RHOU: variants seen among roughly 807,000 people sequenced by gnomAD.
RHOU encodes ras homolog family member U.
Under a neutral mutation model 12.6 loss-of-function variants are expected in RHOU, and 8 were observed. The observed-to-expected ratio is 0.64, with a 90% CI of 0.37 to 1.15. The LOEUF (loss-of-function observed/expected upper bound fraction) is 1.15. Among genes scored for constraint, RHOU ranks in the 50% most tolerant of loss-of-function variants. The pLI is 0.01. For synonymous variants in RHOU, 161 were observed against 147.4 expected, an observed-to-expected ratio of 1.09 and a Z score of -0.67; for missense variants, 258 against 347.0, an observed-to-expected ratio of 0.74 and a Z score of 2.04.
At chr1:228,651,298 C>G in the RHOU span, 1 of 171,522 alleles carries the variant, frequency 5.8e-6, no homozygotes. Context: ...CATTCCCTGC[C>G]TCAGTGCTGG....
chr1:228,713,138 G>A, the RHOU span, among the ~76,000 whole-genome samples: 1 of 151,864 alleles, frequency 6.6e-6, no homozygotes, highest in African/African-American at 2.4e-5. Context: ...TTATGCTATT[G>A]GGTTGACTGA....
the RHOU span, among the ~76,000 whole-genome samples, chr1:228,659,972 A>C: frequency 1.6e-3 from 170 of 106,246 alleles, 5 homozygotes; most frequent in South Asian, 0.038. Context: ...AAAACAAAAA[A>C]AAAAAAAAAC....
the RHOU span, among the ~76,000 whole-genome samples, chr1:228,653,725 G>T: frequency 5.0e-3 from 762 of 152,242 alleles, 25 homozygotes; most frequent in Admixed American, 0.043. Flanking sequence ...CAAAGTGCTG[G>T]AATTACAGGT....
the RHOU span, among the ~76,000 whole-genome samples, chr1:228,686,116 T>C: frequency 1.3e-5 from 2 of 152,212 alleles, no homozygotes; most frequent in Non-Finnish European, 2.9e-5. Context: ...TGTGTTATAT[T>C]TGAGTTTTAG....
At chr1:228,668,326 C>A in the RHOU span, among the ~76,000 whole-genome samples, 2 of 152,180 alleles carry the variant, frequency 1.3e-5, no homozygotes, top group Admixed American at 1.3e-4. Flanking sequence ...GCTCTTCTAG[C>A]AAATATCCAA....
chr1:228,743,314 C>T lies in RHOU; in HGVS notation c.351C>T (p.Cys117=). ...AATTTGACAAGCTGAGGCCTCTCTGCTACACCAACACAGACATCTTCCTGC... is the reference window on the plus strand; with the variant it reads ...AATTTGACAAGCTGAGGCCTCTCTGTTACACCAACACAGACATCTTCCTGC... The part of the protein sequence containing the change: ...QDEFDKLRPL[C]YTNTDIFLLC... The change falls in exon 3 of 3, where the codon TGC becomes TGT. Residue 117 remains cysteine, a synonymous_variant. Transcript: ENST00000366691. The surrounding 1 kb of genome is among the most constrained non-coding windows in gnomAD (Gnocchi z 5.1). The T allele has an allele frequency of 1.2e-6, 2 of 1,614,164 alleles. No individual in the cohort carries two copies. Among genetic ancestry groups the T allele is most frequent in the Non-Finnish European group, 1.7e-6 (2 of 1,180,002 alleles).
chr1:228,702,307 G>T, the RHOU span, among the ~76,000 whole-genome samples: 1 of 152,094 alleles, frequency 6.6e-6, no homozygotes, highest in Non-Finnish European at 1.5e-5. Context: ...TGACACCTAG[G>T]ATGGCTATAA....
rs1340527852 is a variant in RHOU at position 228,746,603 on chromosome 1, C to T, written c.*2863C>T. 1 of 152,146 alleles carries T rather than the reference C, an allele frequency of 6.6e-6. No individual in the cohort carries two copies. Among genetic ancestry groups the T allele is most frequent in the African/African-American group, 2.4e-5 (1 of 41,418 alleles). 9.4% of individuals were successfully genotyped at this position (152,146 alleles called of 1,614,324 possible). On this transcript the variant is annotated 3_prime_UTR_variant, in exon 3 of 3. Transcript: ENST00000366691. ...GTTTTCAAGTGTAAATGATGTTGAG[C>T]AGAATGTTGTACTTGAAAATGCTAT... is the stretch of plus-strand genomic sequence containing the variant.
chr1:228,717,050 A>G, the RHOU span, among the ~76,000 whole-genome samples: 2 of 152,354 alleles, frequency 1.3e-5, no homozygotes, highest in East Asian at 1.9e-4. Context: ...GCTGCTGTCC[A>G]TTAGGAAGGC....
At chr1:228,696,505 C>T in the RHOU span, among the ~76,000 whole-genome samples, 1 of 152,006 alleles carries the variant, frequency 6.6e-6, no homozygotes, top group African/African-American at 2.4e-5. Context: ...TTATTTATTT[C>T]TCCTCTTAGT....
chr1:228,731,952 T>C (rs187999955), upstream of RHOU, among the ~76,000 whole-genome samples: 454 of 152,312 alleles, frequency 3.0e-3, 4 homozygotes, highest in African/African-American at 0.01. Context: ...GTGTAATGCA[T>C]TTTTTGTCTT....
the RHOU span, among the ~76,000 whole-genome samples, chr1:228,662,759 A>G: frequency 1.3e-5 from 2 of 152,172 alleles, no homozygotes; most frequent in Non-Finnish European, 2.9e-5. Flanking sequence ...GCAGCAAACC[A>G]ACATGGCACA....
At chr1:228,659,261 C>A in the RHOU span, among the ~76,000 whole-genome samples, 2,665 of 151,996 alleles carry the variant, frequency 0.018, 68 homozygotes, top group African/African-American at 0.061. Context: ...GCCTGTAATC[C>A]CAGCTACTTG....
chr1:228,715,093 AT>A, the RHOU span, among the ~76,000 whole-genome samples: 24 of 146,342 alleles, frequency 1.6e-4, no homozygotes, highest in Middle Eastern at 3.5e-3. Flanking sequence ...AACTAGATCT[AT>A]TTTTTTTTTC....
intron 2 of RHOU, among the ~76,000 whole-genome samples, chr1:228,739,869 G>T (rs1021939588): frequency 1.3e-5 from 2 of 152,234 alleles, no homozygotes; most frequent in African/African-American, 4.8e-5. Context: ...GCTTAATCTC[G>T]TGGTTTTAGA....
the RHOU span, among the ~76,000 whole-genome samples, chr1:228,694,829 C>T: frequency 5.7e-3 from 865 of 152,134 alleles, 21 homozygotes; most frequent in Admixed American, 0.041. Context: ...GTACATACCT[C>T]GTAATGGGAT....
At chr1:228,681,455 G>A in the RHOU span, among the ~76,000 whole-genome samples, 3 of 152,204 alleles carry the variant, frequency 2.0e-5, no homozygotes, top group African/African-American at 7.2e-5. Flanking sequence ...ACTCAGTGAC[G>A]ACTGGGGTTG....
the RHOU span, among the ~76,000 whole-genome samples, chr1:228,689,740 C>T: frequency 6.6e-6 from 1 of 151,726 alleles, no homozygotes; most frequent in African/African-American, 2.4e-5. Flanking sequence ...GGTGCTGGCT[C>T]TTAATGATAA....
the RHOU span, among the ~76,000 whole-genome samples, chr1:228,669,187 A>G: frequency 6.6e-6 from 1 of 152,152 alleles, no homozygotes; most frequent in Non-Finnish European, 1.5e-5. Flanking sequence ...CACCACAAGA[A>G]CCCAGTCCCC....
Sources: gnomAD v4.1 joint callset for allele counts (sites outside exome capture counted in the v4.1 genomes callset) on GRCh38, gnomAD v4.1.1 for gene constraint, Gnocchi (gnomAD v3.1) non-coding constraint, MANE v1.5 for transcripts, NCBI Gene and HGNC (gene_info 2026-07-23, HGNC 2026-07-21) for gene names.